TDRD12: variants seen among roughly 807,000 people sequenced by gnomAD.
TDRD12 encodes putative ATP-dependent RNA helicase TDRD12.
A neutral mutation model predicts 133.5 loss-of-function variants in TDRD12; 158 were observed. That is an observed-to-expected ratio of 1.18 (90% CI 1.04 to 1.35). TDRD12 has a LOEUF of 1.35. Ranked by LOEUF, TDRD12 falls within the 40% of genes most tolerant of loss-of-function variation. The pLI, the probability that TDRD12 is intolerant of heterozygous loss-of-function variation, is 0.00. For synonymous variants in TDRD12, 460 were observed against 477.9 expected (o/e 0.96, Z 0.49); for missense variants, 1,443 against 1,321.3 (o/e 1.09, Z -1.43).
intron 22 of TDRD12, 75 bp from the exon 23 acceptor site, chr19:32,810,018 C>A: frequency 1.1e-6 from 1 of 919,736 alleles, no homozygotes; most frequent in Non-Finnish European, 1.5e-6. Flanking sequence ...CTGATTTCTG[C>A]AGATACAGGG....
intron 22 of TDRD12, among the ~76,000 whole-genome samples, chr19:32,807,917 T>C (rs1322477474): frequency 2.0e-5 from 3 of 152,136 alleles, no homozygotes; most frequent in Non-Finnish European, 2.9e-5. Context: ...TGTTTCTATT[T>C]GGGGGCCATT....
intron 8 of TDRD12, among the ~76,000 whole-genome samples, chr19:32,762,953 T>C (rs1970192924): frequency 6.6e-6 from 1 of 152,208 alleles, no homozygotes; most frequent in African/African-American, 2.4e-5. Context: ...TGTTACTGTA[T>C]TGAATGCTGT....
rs1351454274 is a variant in TDRD12, at chr19:32,799,726, G to GT, written c.1759-441_1759-440insT. Among the ~76,000 whole-genome samples, 7 of 115,886 alleles carry GT rather than the reference G, an allele frequency of 6.0e-5. No individual in the cohort carries two copies. The East Asian group carries it at 1.1e-3, about 17-fold the overall frequency. 76.0% of individuals were successfully genotyped at this position (115,886 alleles called of 152,430 possible). ...TGACATTTTCTCCTATTTAGTTTTT[G>GT]CCTTTTTTTTTTTTTTTTTTTTTTT... On this transcript the variant is annotated intron_variant, in intron 16 of 27. Transcript: ENST00000444215.
chr19:32,756,259 G>A, intron 7 of TDRD12, 78 bp downstream of exon 7: 1 of 1,223,536 alleles, frequency 8.2e-7, no homozygotes, highest in African/African-American at 1.6e-5. Flanking sequence ...AAGTTGTACA[G>A]ACTTTTCCCC....
At chr19:32,779,047 C>T (rs561710269) in intron 11 of TDRD12, among the ~76,000 whole-genome samples, 14 of 152,290 alleles carry the variant, frequency 9.2e-5, no homozygotes, top group African/African-American at 3.1e-4. Context: ...GCGCAGAGGT[C>T]CAGCATTGGC....
At chr19:32,790,479 C>A in intron 11 of TDRD12, 52 bp from the exon 12 acceptor site, 1 of 1,509,026 alleles carries the variant, frequency 6.6e-7, no homozygotes, top group African/African-American at 1.4e-5. Context: ...AATAGCTCAA[C>A]TGAGGAAACA....
chr19:32,751,662 C>G (rs1173770875), intron 6 of TDRD12, among the ~76,000 whole-genome samples: 1 of 151,832 alleles, frequency 6.6e-6, no homozygotes, highest in Non-Finnish European at 1.5e-5. Context: ...TTGCTGCAGC[C>G]TCAACCTCCT....
rs866936106 is a variant in TDRD12, at chr19:32,753,345, A to T, written c.583-2647A>T. ...ATTTGAATCCAGCACCATAGGGTTC[A>T]TTCTTACCCTCTCCTTTCCTTATTT... On this transcript the variant is annotated intron_variant, in intron 6 of 27. Coordinates refer to ENST00000444215, the Ensembl canonical transcript of TDRD12. Among the ~76,000 whole-genome samples, 6 of 152,174 alleles carry T rather than the reference A, an allele frequency of 3.9e-5. No individual in the cohort carries two copies. In the South Asian group the frequency reaches 1.2e-3, roughly 32 times the overall value.
At chr19:32,780,219 G>T (rs1290906522) in intron 11 of TDRD12, among the ~76,000 whole-genome samples, 1 of 151,924 alleles carries the variant, frequency 6.6e-6, no homozygotes, top group African/African-American at 2.4e-5. Flanking sequence ...GAGTAGCTGG[G>T]ATTACAGGCG....
chr19:32,780,795 GT>G (rs35298502), intron 11 of TDRD12, among the ~76,000 whole-genome samples: 143 of 143,318 alleles, frequency 1.0e-3, no homozygotes, highest in Middle Eastern at 3.6e-3. Flanking sequence ...CTTTCCTTGG[GT>G]TTTTTTTTTT....
chr19:32,783,956 T>G (rs1292913073), intron 11 of TDRD12, among the ~76,000 whole-genome samples: 1 of 152,182 alleles, frequency 6.6e-6, no homozygotes, highest in Admixed American at 6.5e-5. Context: ...CCTTTATTGC[T>G]TTCTCTTGCC....
At chr19:32,763,710 G>C (rs570472642) in intron 8 of TDRD12, among the ~76,000 whole-genome samples, 2 of 152,332 alleles carry the variant, frequency 1.3e-5, no homozygotes, top group African/African-American at 4.8e-5. Context: ...GTGGCACCCA[G>C]CCCCTGACCC....
intron 18 of TDRD12, 66 bp downstream of exon 18, chr19:32,800,838 A>G (rs1816762512): frequency 4.9e-6 from 7 of 1,427,118 alleles, no homozygotes; most frequent in Non-Finnish European, 5.5e-6. Flanking sequence ...AGTCATCACA[A>G]AATTACTGGG....
At chr19:32,722,660 CTT>C (rs1968720048) in intron 1 of TDRD12, among the ~76,000 whole-genome samples, 1 of 149,604 alleles carries the variant, frequency 6.7e-6, no homozygotes, top group Non-Finnish European at 1.5e-5. Flanking sequence ...CCCATGTATC[CTT>C]TTATTATTTA....
At chr19:32,756,102 A>T (rs1331358912) in exon 7 of TDRD12, 1 of 1,479,830 alleles carries the variant, frequency 6.8e-7, no homozygotes, top group Non-Finnish European at 8.9e-7. Context: ...TAAAATCAGC[A>T]CCCTCCTTCA....
intron 2 of TDRD12, among the ~76,000 whole-genome samples, chr19:32,736,823 C>G (rs1306734535): frequency 6.6e-6 from 1 of 152,208 alleles, no homozygotes; most frequent in Non-Finnish European, 1.5e-5. Flanking sequence ...GTGGTACAGT[C>G]AGGATGCCAA....
At chr19:32,815,917 C>T (rs1272335107) in intron 26 of TDRD12, among the ~76,000 whole-genome samples, 7 of 152,072 alleles carry the variant, frequency 4.6e-5, no homozygotes, top group African/African-American at 1.4e-4. Context: ...TCGCTTGAAC[C>T]TGGGAGGCAG....
At chr19:32,769,126 G>C (rs888890518) in intron 8 of TDRD12, among the ~76,000 whole-genome samples, 10 of 152,112 alleles carry the variant, frequency 6.6e-5, no homozygotes, top group Admixed American at 2.0e-4. Flanking sequence ...TTTCTTAATG[G>C]TATTTTTCAG....
In TDRD12 at chr19:32,796,305, G is replaced by C. The variant is rs1032953659; in HGVS notation, c.1474-1430G>C. On this transcript the variant is annotated intron_variant, in intron 14 of 27. Transcript: ENST00000444215. Reference sequence around the variant, plus strand: ...GATTTCCCTTTAGAAAGTTGCATCTGTTGGCCGGGCGCAGTGGCTCATGCC... The same window carrying C: ...GATTTCCCTTTAGAAAGTTGCATCTCTTGGCCGGGCGCAGTGGCTCATGCC... 5.4e-6 allele frequency: 3 copies of C among 552,064 alleles called. No homozygotes were observed. The African/African-American group carries it at 6.2e-5, about 11-fold the overall frequency. The allele number at this position is 552,064 out of a possible 1,614,324, so 34.2% of individuals were successfully genotyped here. A position where few individuals can be genotyped will look rare whatever the true frequency, so the allele number is the denominator to read the frequency against.
Sources: gnomAD v4.1 joint callset for allele counts (sites outside exome capture counted in the v4.1 genomes callset) on GRCh38, gnomAD v4.1.1 for gene constraint, MANE v1.5 for transcripts, NCBI Gene and HGNC (gene_info 2026-07-23, HGNC 2026-07-21) for gene names.